Variants in IQCN observed in about 807,000 individuals in gnomAD.
The protein encoded by IQCN is IQ motif containing N.
A neutral mutation model predicts 64.4 loss-of-function variants in IQCN; 46 were observed. The ratio of observed to expected loss-of-function variants is 0.71; its 90% confidence interval spans 0.56 to 0.91. IQCN has a LOEUF of 0.91. IQCN is among the 40% of genes least tolerant of loss of function. IQCN has a pLI of 0.00. For missense variants in IQCN, 1,753 were observed against 1,857.4 expected, an observed-to-expected ratio of 0.94 and a Z score of 1.03; for synonymous variants, 733 against 775.6, an observed-to-expected ratio of 0.95 and a Z score of 0.91.
chr19:18,272,431 G>A (rs1969752828), intron 1 of IQCN, among the ~76,000 whole-genome samples: 1 of 148,632 alleles, frequency 6.7e-6, no homozygotes, highest in South Asian at 2.1e-4. Flanking sequence ...CCCGGCCTTA[G>A]GGGCTCTGTT....
At chr19:18,263,218 T>C (rs551384498) in intron 3 of IQCN, among the ~76,000 whole-genome samples, 1 of 152,362 alleles carries the variant, frequency 6.6e-6, no homozygotes, top group African/African-American at 2.4e-5. Context: ...TCTATCTTGT[T>C]GACGGCAGGC....
chr19:18,270,017 G>T (rs1969700434), intron 1 of IQCN, among the ~76,000 whole-genome samples: 1 of 128,960 alleles, frequency 7.8e-6, no homozygotes, highest in Admixed American at 9.0e-5. Flanking sequence ...AGAAGTTTGA[G>T]ACCAGCCTGG....
In IQCN at chr19:18,267,374, G is replaced by A; in HGVS notation, c.166C>T (p.His56Tyr). 3 of 1,611,270 alleles carry A rather than the reference G, an allele frequency of 1.9e-6. No individual in the cohort carries two copies. Among genetic ancestry groups the A allele is most frequent in the African/African-American group, 1.3e-5 (1 of 74,932 alleles). ...TGCTCCTTGGACTTGAGGCCCTCGT[G>A]CTGGGGCTGTGGAGGCGCTTTCTCC... ...KMEKAPPQPQ[H>Y]EGLKSKEHLP... The change falls in exon 3 of 4, where the codon CAC (histidine) becomes TAC (tyrosine). Residue 56 changes from histidine to tyrosine, a missense_variant. Transcript: ENST00000392413.
In IQCN at chr19:18,258,018, C is replaced by T. The variant is rs145710367; in HGVS notation, c.3266G>A (p.Arg1089His). The T allele has an allele frequency of 9.3e-6, 15 of 1,612,682 alleles. No individual in the cohort carries two copies. The highest frequency in any genetic ancestry group is 1.1e-5 in the Non-Finnish European group (13 of 1,179,888). ...ARGAASWDTW[R>H]NKAVVPPRRS... ...CCTGGGAGGCACCACCGCCTTGTTG[C>T]GCCAGGTGTCCCAGGACGCAGCACC... is the stretch of plus-strand genomic sequence containing the variant. Residue 1089 changes from arginine (R) to histidine (H), a missense_variant, in exon 4 of 4, where the codon CGC (arginine) becomes CAC (histidine). Arg to His is a conservative substitution (Grantham distance 29). Coordinates refer to ENST00000392413, the MANE Select transcript of IQCN (RefSeq NM_001145304.2).
chr19:18,265,852 GC>G lies in IQCN; in HGVS notation c.1687del (p.Ala563LeufsTer5), dbSNP rs1447399283. 27 of 1,614,080 alleles carry G rather than the reference GC, an allele frequency of 1.7e-5. No homozygotes were observed. The highest frequency in any genetic ancestry group is 2.3e-5 in the Non-Finnish European group (27 of 1,180,034). ...KAKATVNVKQ[A>X]AKVVKASSPS... ...GGATGAGGCTTTCACCACCTTTGCA[GC>G]CTGCTTCACATTCACGGTGGCCTTG... On this transcript the variant is annotated frameshift_variant, in exon 3 of 4. Coordinates refer to ENST00000392413, the MANE Select transcript of IQCN (RefSeq NM_001145304.2). LOFTEE classifies it high-confidence loss of function. This position sits in a 1 kb window ranked among gnomAD's most constrained non-coding sequence, Gnocchi z 4.7.
chr19:18,265,687 A>C lies in IQCN; in HGVS notation c.1853T>G (p.Met618Arg). Residue 618 changes from methionine to arginine, a missense_variant, in exon 3 of 4, where the codon ATG (methionine) becomes AGG (arginine). Met to Arg is a moderately conservative substitution (Grantham distance 91). Coordinates refer to ENST00000392413, the MANE Select transcript of IQCN (RefSeq NM_001145304.2). The surrounding 1 kb of genome is among the most constrained non-coding windows in gnomAD (Gnocchi z 4.7). Reference sequence around the variant, plus strand: ...CACTGCCACACTGGTCTTAAATGCCATGTCTGTTTTCGCCTGTTTCTGGGT... The same window carrying C: ...CACTGCCACACTGGTCTTAAATGCCCTGTCTGTTTTCGCCTGTTTCTGGGT... ...TGTQKQAKTDMAFKTSVAVEM... is the reference protein window; with the variant it reads ...TGTQKQAKTDRAFKTSVAVEM... 1 of 1,614,122 alleles carries C rather than the reference A, an allele frequency of 6.2e-7. No homozygotes were observed. Among genetic ancestry groups the C allele is most frequent in the Non-Finnish European group, 8.5e-7 (1 of 1,180,026 alleles).
chr19:18,260,651 C>T (rs1568276278), intron 3 of IQCN: 1 of 152,892 alleles, frequency 6.5e-6, no homozygotes, highest in Non-Finnish European at 1.5e-5. Context: ...GACTGGAGGC[C>T]ACAGATGGTT....
chr19:18,257,503 G>A lies in IQCN; in HGVS notation c.3781C>T (p.Arg1261Cys), dbSNP rs144107214. 153 of 1,610,078 alleles carry A rather than the reference G, an allele frequency of 9.5e-5. No individual in the cohort carries two copies. Among genetic ancestry groups the A allele is most frequent in the South Asian group, 1.5e-4 (14 of 90,718 alleles). The change falls in exon 4 of 4, where the codon CGC becomes TGC. Residue 1261 changes from arginine to cysteine, a missense_variant. By Grantham distance (180) the Arg-to-Cys change is radical (BLOSUM62 -3). Coordinates refer to ENST00000392413, the MANE Select transcript of IQCN (RefSeq NM_001145304.2). ...TGCACCACACGGGTGGGCTGTGTGC[G>A]TCCACAGGTATGACAGGTGCGAGGG... ...SSPRTCHTCG[R>C]TQPTRVVQGM...
chr19:18,267,593 G>A, intron 2 of IQCN, 67 bp from the exon 3 acceptor site: 4 of 1,473,856 alleles, frequency 2.7e-6, no homozygotes, highest in Non-Finnish European at 2.7e-6. Context: ...CCTGGCTGGG[G>A]TGGACACTGG....
At position 18,264,738 on chromosome 19, in the gene IQCN, G is replaced by A. The variant is rs758106261; in HGVS notation, c.2802C>T (p.Ser934=). 9 of 1,551,132 alleles carry A rather than the reference G, an allele frequency of 5.8e-6. No homozygotes were observed. In the South Asian group the frequency reaches 1.1e-4, roughly 18 times the overall value. Residue 934 remains serine (S), a synonymous_variant, in exon 3 of 4, where the codon AGC becomes AGT. Coordinates refer to ENST00000392413, the MANE Select transcript of IQCN (RefSeq NM_001145304.2). The surrounding 1 kb of genome is among the most constrained non-coding windows in gnomAD (Gnocchi z 4.3). The stretch of plus-strand genomic sequence containing the variant: ...AGGACAGCGCCTTCACCAGCGCCAT[G>A]CTCAGCATGCTCTGGGGCAGGGCTT... ...VTKALPQSML[S]MALVKALSWS...
chr19:18,264,434 C>A lies in IQCN; in HGVS notation c.3106G>T (p.Val1036Leu). 1 of 1,549,316 alleles carries A rather than the reference C, an allele frequency of 6.5e-7. No homozygotes were observed. The highest frequency in any genetic ancestry group is 1.7e-4 in the Middle Eastern group (1 of 5,980). ...GCCGATGGACTCCTCCTGCAGGCCACCTTCACCAGGGCCGGCGTCTTAGTC... is the reference window on the plus strand; with the variant it reads ...GCCGATGGACTCCTCCTGCAGGCCAACTTCACCAGGGCCGGCGTCTTAGTC... The part of the protein sequence containing the change: ...GVTKTPALVK[V>L]ACRRSPSAAW... The change falls in exon 3 of 4, where the codon GTG becomes TTG. Residue 1036 changes from valine (V) to leucine (L), a missense_variant. Coordinates refer to ENST00000392413, the MANE Select transcript of IQCN (RefSeq NM_001145304.2). The surrounding 1 kb of genome is among the most constrained non-coding windows in gnomAD (Gnocchi z 4.3).
rs1422936139 is a variant in IQCN, at chr19:18,257,236, A to G, written c.4048T>C (p.Leu1350=). 1.9e-6 allele frequency: 3 copies of G among 1,613,724 alleles called. No homozygotes were observed. Among genetic ancestry groups the G allele is most frequent in the Admixed American group, 1.7e-5 (1 of 60,034 alleles). ...CTGGCCGAGGGGTCTGCTGGTCCCAAGAGCGCCTCTGTGTTCTTCAGACAG... is the reference window on the plus strand; with the variant it reads ...CTGGCCGAGGGGTCTGCTGGTCCCAGGAGCGCCTCTGTGTTCTTCAGACAG... ...RSCLKNTEAL[L]GPADPSASSR... The change falls in exon 4 of 4, where the codon TTG becomes CTG. Residue 1350 remains leucine, a synonymous_variant. Coordinates refer to ENST00000392413, the MANE Select transcript of IQCN (RefSeq NM_001145304.2).
In IQCN at chr19:18,264,691, A is replaced by T; in HGVS notation, c.2849T>A (p.Leu950Gln). The change falls in exon 3 of 4, where the codon CTG (leucine) becomes CAG (glutamine). Residue 950 changes from leucine to glutamine, a missense_variant. By Grantham distance (113) the Leu-to-Gln change is moderately radical. Coordinates refer to ENST00000392413, the MANE Select transcript of IQCN (RefSeq NM_001145304.2). The surrounding 1 kb of genome is among the most constrained non-coding windows in gnomAD (Gnocchi z 4.3). ...ALSWSELRLT[L>Q]SRALSRGELR... ...CTCGCCCCGGGACAGGGCTCGGGAC[A>T]GGGTCAGGCGCAGCTCACTCCAGGA... The T allele has an allele frequency of 6.4e-7, 1 of 1,551,262 alleles. No homozygotes were observed. Among genetic ancestry groups the T allele is most frequent in the Non-Finnish European group, 8.7e-7 (1 of 1,146,994 alleles).
rs762313599 is a variant in IQCN, at chr19:18,269,523, C to T, written c.-45G>A. 6.2e-7 allele frequency: 1 copy of T among 1,611,864 alleles called. No homozygotes were observed. Among genetic ancestry groups the T allele is most frequent in the South Asian group, 1.1e-5 (1 of 90,926 alleles). ...GAGAAGAAGGTGCAATCTCAGAAGC[C>T]AGCCTGCAAGAGGAGGCAGCCTTCA... is the stretch of plus-strand genomic sequence containing the variant. On this transcript the variant is annotated 5_prime_UTR_variant, in exon 2 of 4. Transcript: ENST00000392413.
At position 18,264,832 on chromosome 19, in the gene IQCN, G is replaced by T; in HGVS notation, c.2708C>A (p.Ser903Tyr). 1 of 1,574,638 alleles carries T rather than the reference G, an allele frequency of 6.4e-7. No homozygotes were observed. Reference sequence around the variant, plus strand: ...CAGAGCTGCCCAGACTTCTCCCTGGGAGAGGGCTTTGGCCAACAGAGTGCG... The same window carrying T: ...CAGAGCTGCCCAGACTTCTCCCTGGTAGAGGGCTTTGGCCAACAGAGTGCG... ...DLRTLLAKAL[S>Y]QGEVWAALNQ... is the part of the protein sequence containing the mutation. Residue 903 changes from serine to tyrosine, a missense_variant, in exon 3 of 4, where the codon TCC becomes TAC. Coordinates refer to ENST00000392413, the MANE Select transcript of IQCN (RefSeq NM_001145304.2). The surrounding 1 kb of genome is among the most constrained non-coding windows in gnomAD (Gnocchi z 4.3).
chr19:18,268,174 CTGTGTGTGTGTGTGTG>C (rs71336668), intron 2 of IQCN, among the ~76,000 whole-genome samples: 13 of 134,494 alleles, frequency 9.7e-5, no homozygotes, highest in South Asian at 2.6e-4. Flanking sequence ...CTGTTTGCCT[CTGTGTGTGTGTGTGTG>C]TGTGTGTGTG....
intron 3 of IQCN, among the ~76,000 whole-genome samples, chr19:18,262,807 C>T (rs570764625): frequency 6.6e-6 from 1 of 152,154 alleles, no homozygotes; most frequent in East Asian, 1.9e-4. Context: ...GCCAGTGTAG[C>T]CTGGGACACA....
chr19:18,271,660 A>C (rs892947314), intron 1 of IQCN, among the ~76,000 whole-genome samples: 2 of 152,084 alleles, frequency 1.3e-5, no homozygotes, highest in Non-Finnish European at 2.9e-5. Context: ...AAACAAGCAA[A>C]AGGCCCACCC....
In IQCN at chr19:18,266,089, C is replaced by G. The variant is rs769551194; in HGVS notation, c.1451G>C (p.Ser484Thr). Residue 484 changes from serine to threonine, a missense_variant, in exon 3 of 4, where the codon AGC becomes ACC. By Grantham distance (58) the Ser-to-Thr change is moderately conservative (BLOSUM62 1). Coordinates refer to ENST00000392413, the MANE Select transcript of IQCN (RefSeq NM_001145304.2). This position sits in a 1 kb window ranked among gnomAD's most constrained non-coding sequence, Gnocchi z 4.3. Reference sequence around the variant, plus strand: ...TGAGGGCTTGGTCACCCCAACTGGGCTCCTCTGGGATGAAGTCTTGGACAT... The same window carrying G: ...TGAGGGCTTGGTCACCCCAACTGGGGTCCTCTGGGATGAAGTCTTGGACAT... ...ATMSKTSSQR[S>T]PVGVTKPSPQ... 12 of 1,613,594 alleles carry G rather than the reference C, an allele frequency of 7.4e-6. No individual in the cohort carries two copies. The Admixed American group carries it at 1.8e-4, about 25-fold the overall frequency.
Sources: allele counts gnomAD v4.1 joint callset (sites outside exome capture counted in the v4.1 genomes callset), GRCh38; gene constraint gnomAD v4.1.1; non-coding constraint Gnocchi (gnomAD v3.1); transcripts MANE v1.5; gene names NCBI Gene and HGNC (gene_info 2026-07-23, HGNC 2026-07-21).